CRPPA: variants seen among roughly 807,000 people sequenced by gnomAD.
The protein encoded by CRPPA is CDP-L-ribitol pyrophosphorylase A, also known as D-ribitol-5-phosphate cytidylyltransferase.
A neutral mutation model predicts 52.0 loss-of-function variants in CRPPA; 43 were observed. The ratio of observed to expected loss-of-function variants is 0.83; its 90% CI spans 0.65 to 1.07. The LOEUF (loss-of-function observed/expected upper bound fraction) is 1.07. Among genes scored for constraint, CRPPA ranks in the 50% least tolerant of loss-of-function variants. CRPPA has a pLI of 0.00. For missense variants in CRPPA, 629 were observed against 551.7 expected, an observed-to-expected ratio of 1.14 and a Z score of -1.40; for synonymous variants, 250 against 203.5, an observed-to-expected ratio of 1.23 and a Z score of -1.94.
chr7:16,320,504 T>C (rs1165901243), intron 3 of CRPPA, among the ~76,000 whole-genome samples: 1 of 152,184 alleles, frequency 6.6e-6, no homozygotes, highest in African/African-American at 2.4e-5. Flanking sequence ...CGGCTACAGA[T>C]AATCTGATTA....
At chr7:16,097,350 G>A (rs1214355422) in intron 9 of CRPPA, among the ~76,000 whole-genome samples, 2 of 151,888 alleles carry the variant, frequency 1.3e-5, no homozygotes, top group Non-Finnish European at 2.9e-5. Flanking sequence ...AGACAAAAAC[G>A]CAATATAATA....
Position 16,313,413 on chromosome 7 carries a change from C to T in CRPPA, c.685-4786G>A, listed in dbSNP as rs572079968. Among the ~76,000 whole-genome samples, 17 of 151,634 alleles carry T rather than the reference C, an allele frequency of 1.1e-4. No homozygotes were observed. In the South Asian group the frequency reaches 1.9e-3, roughly 17 times the overall value. On this transcript the variant is annotated intron_variant, in intron 3 of 9. Coordinates refer to ENST00000407010, the MANE Select transcript of CRPPA (RefSeq NM_001101426.4). ...TGTTCATGGGATCTATAATAATGTC[C>T]GTGCTTTCATTTCTGTATTAATTTG... is the stretch of plus-strand genomic sequence containing the variant.
intron 1 of CRPPA, among the ~76,000 whole-genome samples, chr7:16,407,952 T>TA (rs1787992907): frequency 6.6e-6 from 1 of 151,156 alleles, no homozygotes; most frequent in Non-Finnish European, 1.5e-5. Flanking sequence ...ACCAAAAATA[T>TA]AAAAAATCAA....
At chr7:16,241,255 T>TGA (rs2128406425) in intron 8 of CRPPA, among the ~76,000 whole-genome samples, 1 of 152,320 alleles carries the variant, frequency 6.6e-6, no homozygotes, top group Admixed American at 6.5e-5. Flanking sequence ...ATTTTAAAGA[T>TGA]AATTTATTGT....
intron 5 of CRPPA, among the ~76,000 whole-genome samples, chr7:16,295,996 A>C (rs1451309440): frequency 6.6e-6 from 1 of 152,166 alleles, no homozygotes; most frequent in Non-Finnish European, 1.5e-5. Context: ...AACCAAATCC[A>C]ACCCTCTGCC....
At chr7:16,195,329 G>A (rs2128391742) in intron 9 of CRPPA, among the ~76,000 whole-genome samples, 2 of 151,984 alleles carry the variant, frequency 1.3e-5, no homozygotes, top group Middle Eastern at 3.4e-3. Flanking sequence ...TTTTAAAAAG[G>A]GTTGATATTT....
At chr7:16,128,980 T>C (rs897455285) in intron 9 of CRPPA, among the ~76,000 whole-genome samples, 1 of 152,332 alleles carries the variant, frequency 6.6e-6, no homozygotes, top group African/African-American at 2.4e-5. Context: ...ACAAGAAATG[T>C]TGGTATGTAT....
At chr7:16,097,687 T>C (rs748496875) in intron 9 of CRPPA, among the ~76,000 whole-genome samples, 1 of 152,196 alleles carries the variant, frequency 6.6e-6, no homozygotes, top group African/African-American at 2.4e-5. Flanking sequence ...AAGTGAAGTC[T>C]TGATGAAACT....
At position 16,089,446 on chromosome 7, in the gene CRPPA, T is replaced by G; in HGVS notation, c.*2249A>C. On this transcript the variant is annotated 3_prime_UTR_variant, in exon 10 of 10. Transcript: ENST00000407010. The stretch of plus-strand genomic sequence containing the variant: ...ATACATATATGTGTATATATGTACG[T>G]GCATACATATATGTGTATATATGTA... 1 of 339,384 alleles carries G rather than the reference T, an allele frequency of 2.9e-6. No homozygotes were observed. The allele number at this position is 339,384 out of a possible 1,614,324, so 21.0% of individuals were successfully genotyped here.
intron 1 of CRPPA, among the ~76,000 whole-genome samples, chr7:16,407,701 G>T (rs1034528550): frequency 2.6e-5 from 4 of 152,076 alleles, no homozygotes; most frequent in African/African-American, 9.7e-5. Flanking sequence ...ACCCCATTCT[G>T]CCTGTAGCTA....
intron 9 of CRPPA, among the ~76,000 whole-genome samples, chr7:16,181,825 A>C (rs1781417943): frequency 6.6e-6 from 1 of 152,048 alleles, no homozygotes; most frequent in African/African-American, 2.4e-5. Context: ...ACTGAATATG[A>C]GAAACAAAAA....
In CRPPA at chr7:16,236,947, C is replaced by T. The variant is rs73681796; in HGVS notation, c.1120-20750G>A. 4.3e-3 allele frequency among the ~76,000 whole-genome samples: 499 copies of T among 117,196 alleles called. 3 individuals are homozygous for T. The highest frequency in any genetic ancestry group is 0.015 in the African/African-American group (474 of 32,640). 76.9% of individuals were successfully genotyped at this position (117,196 alleles called of 152,430 possible). ...AGTAAGCTTTAAGAGCTTTCGTGCG[C>T]GCGCACACACACACACACACACACA... is the stretch of plus-strand genomic sequence containing the variant. On this transcript the variant is annotated intron_variant, in intron 8 of 9. Transcript: ENST00000407010.
At chr7:16,235,361 T>C (rs1782922149) in intron 8 of CRPPA, among the ~76,000 whole-genome samples, 1 of 152,062 alleles carries the variant, frequency 6.6e-6, no homozygotes, top group Non-Finnish European at 1.5e-5. Context: ...AGAGAGTGCA[T>C]GTCTGTTAAA....
At chr7:16,128,569 A>C (rs1562518068) in intron 9 of CRPPA, among the ~76,000 whole-genome samples, 1 of 152,220 alleles carries the variant, frequency 6.6e-6, no homozygotes, top group Non-Finnish European at 1.5e-5. Flanking sequence ...ACAAAGCCAA[A>C]GAAATAACTT....
intron 9 of CRPPA, chr7:16,209,273 C>CTGTTTTTTTTTTTTTTTTT (rs1554289526): frequency 8.2e-6 from 1 of 122,066 alleles, no homozygotes; most frequent in Admixed American, 1.1e-4. Flanking sequence ...TTCTAAGTGT[C>CTGTTTTTTTTTTTTTTTTT]TTTTTTTTTT....
At chr7:16,402,929 A>G (rs1348020240) in intron 2 of CRPPA, among the ~76,000 whole-genome samples, 2 of 152,348 alleles carry the variant, frequency 1.3e-5, no homozygotes, top group African/African-American at 2.4e-5. Context: ...ATCAATGTTC[A>G]TAAAGGACAA....
At chr7:16,385,893 G>A (rs1285900998) in intron 2 of CRPPA, among the ~76,000 whole-genome samples, 1 of 152,174 alleles carries the variant, frequency 6.6e-6, no homozygotes, top group Admixed American at 6.5e-5. Flanking sequence ...GCCAGAGCGA[G>A]CGCTTTTGGG....
chr7:16,216,406 A>AG lies in CRPPA; in HGVS notation c.1120-210_1120-209insC, dbSNP rs1183688534. 3 of 365,976 alleles carry AG rather than the reference A, an allele frequency of 8.2e-6. No homozygotes were observed. The East Asian group carries it at 1.5e-4, about 18-fold the overall frequency. 22.7% of individuals were successfully genotyped at this position (365,976 alleles called of 1,614,324 possible). ...CAGATGTAGTAAACACTCAGAGAAA[A>AG]CGAGGTTGAAAAACCAAATGCTGGG... On this transcript the variant is annotated intron_variant, in intron 8 of 9. Transcript: ENST00000407010.
At chr7:16,165,779 A>G (rs1478183548) in intron 9 of CRPPA, among the ~76,000 whole-genome samples, 1 of 152,200 alleles carries the variant, frequency 6.6e-6, no homozygotes, top group African/African-American at 2.4e-5. Flanking sequence ...CAGCACCCAA[A>G]TATTATAAAA....
Sources: gnomAD v4.1 joint callset for allele counts (sites outside exome capture counted in the v4.1 genomes callset) on GRCh38, gnomAD v4.1.1 for gene constraint, MANE v1.5 for transcripts, NCBI Gene and HGNC (gene_info 2026-07-23, HGNC 2026-07-21) for gene names.